TMEM229B: variants seen among roughly 807,000 people sequenced by gnomAD.
The protein encoded by TMEM229B is chromosome 14 open reading frame 83.
Under a neutral mutation model 13.7 loss-of-function variants are expected in TMEM229B, and 6 were observed. The observed-to-expected ratio is 0.44, with a 90% CI of 0.24 to 0.86. The LOEUF is 0.86. Among genes scored for constraint, TMEM229B ranks in the 40% least tolerant of loss-of-function variants. The pLI is 0.23. For synonymous variants in TMEM229B, 107 were observed against 102.1 expected, an observed-to-expected ratio of 1.05 and a Z score of -0.29; for missense variants, 170 against 236.0, an observed-to-expected ratio of 0.72 and a Z score of 1.83.
intron 1 of TMEM229B, among the ~76,000 whole-genome samples, chr14:67,514,402 A>G (rs904898570): frequency 2.0e-5 from 3 of 152,156 alleles, no homozygotes; most frequent in Non-Finnish European, 4.4e-5. Flanking sequence ...CCAGCCAGGC[A>G]TCTCTCACGG....
At chr14:67,503,569 G>C (rs1006639323) in intron 1 of TMEM229B, 6 of 152,198 alleles carry the variant, frequency 3.9e-5, no homozygotes, top group African/African-American at 1.4e-4. Flanking sequence ...AAATGACAGA[G>C]GGTAGCAGTT....
intron 2 of TMEM229B, among the ~76,000 whole-genome samples, chr14:67,486,480 G>A (rs764153234): frequency 6.6e-6 from 1 of 152,190 alleles, no homozygotes; most frequent in African/African-American, 2.4e-5. Context: ...TCACCATGTT[G>A]GCCAGGATGG....
chr14:67,505,146 T>A (rs1022239536), intron 1 of TMEM229B, among the ~76,000 whole-genome samples: 3 of 152,080 alleles, frequency 2.0e-5, no homozygotes, highest in Admixed American at 6.5e-5. Flanking sequence ...CAAAGAAGGA[T>A]GCGCATTTTC....
At chr14:67,527,694 C>A (rs2033388915) in intron 1 of TMEM229B, among the ~76,000 whole-genome samples, 1 of 152,164 alleles carries the variant, frequency 6.6e-6, no homozygotes, top group African/African-American at 2.4e-5. Context: ...CCAGCATGAC[C>A]CTGGTGAAGT....
At chr14:67,530,117 C>T (rs912142512) in intron 1 of TMEM229B, among the ~76,000 whole-genome samples, 2 of 152,182 alleles carry the variant, frequency 1.3e-5, no homozygotes, top group African/African-American at 4.8e-5. Flanking sequence ...ATCTGCTTAT[C>T]CATTGCAATC....
chr14:67,493,069 C>T (rs560261620), upstream of TMEM229B, among the ~76,000 whole-genome samples: 1 of 152,338 alleles, frequency 6.6e-6, no homozygotes, highest in South Asian at 2.1e-4. Flanking sequence ...GTGCAAAGAA[C>T]TTTGGGAAAA....
At chr14:67,524,295 A>C (rs945010673) in intron 1 of TMEM229B, among the ~76,000 whole-genome samples, 2 of 152,158 alleles carry the variant, frequency 1.3e-5, no homozygotes, top group Non-Finnish European at 2.9e-5. Context: ...CTAGGAAGAC[A>C]CTGGGCCCAC....
chr14:67,530,740 T>C (rs1232249831), intron 1 of TMEM229B, among the ~76,000 whole-genome samples: 1 of 152,234 alleles, frequency 6.6e-6, no homozygotes, highest in East Asian at 1.9e-4. Flanking sequence ...TGCCCTTGCA[T>C]GAATGGAGTG....
intron 1 of TMEM229B, among the ~76,000 whole-genome samples, chr14:67,498,826 T>C (rs2032493438): frequency 6.6e-6 from 1 of 151,740 alleles, no homozygotes; most frequent in African/African-American, 2.4e-5. Flanking sequence ...CCACCATGCC[T>C]GATTAATTTT....
At chr14:67,478,832 G>A (rs2031392154) in intron 2 of TMEM229B, among the ~76,000 whole-genome samples, 1 of 152,146 alleles carries the variant, frequency 6.6e-6, no homozygotes, top group African/African-American at 2.4e-5. Flanking sequence ...GTAATAGTGA[G>A]CACTCTGCTT....
chr14:67,515,349 CGCGGCGGCG>C (rs2033171788), exon 1 of TMEM229B: 3 of 161,776 alleles, frequency 1.9e-5, no homozygotes, highest in African/African-American at 7.2e-5. Context: ...CGGCGTCCGC[CGCGGCGGCG>C]CGGGGTCCGG....
Position 67,473,799 on chromosome 14 carries a change from G to C in TMEM229B, c.125C>G (p.Pro42Arg), listed in dbSNP as rs1477265493. The change falls in exon 3 of 3, where the codon CCT (proline) becomes CGT (arginine). Residue 42 changes from proline (P) to arginine (R), a missense_variant. Coordinates refer to ENST00000554480, the MANE Select transcript of TMEM229B (RefSeq NM_001348543.2). The surrounding 1 kb of genome is among the most constrained non-coding windows in gnomAD (Gnocchi z 6.5). ...GAGGGCCCACACGCTCGTGACCCCA[G>C]GGAACTTCCAGTTCAAGTTCACCAC... ...EFVVNLNWKFPGVTSVWALFI... is the reference protein window; with the variant it reads ...EFVVNLNWKFRGVTSVWALFI... The C allele has an allele frequency of 6.2e-7, 1 of 1,613,796 alleles. No individual in the cohort carries two copies. The highest frequency in any genetic ancestry group is 8.5e-7 in the Non-Finnish European group (1 of 1,179,960).
At chr14:67,474,297 C>G (rs2031028924) in intron 2 of TMEM229B, among the ~76,000 whole-genome samples, 1 of 151,568 alleles carries the variant, frequency 6.6e-6, no homozygotes, top group Non-Finnish European at 1.5e-5. Context: ...ACAGAATAAC[C>G]CACCCACCCC....
chr14:67,524,175 C>T (rs1463631329), intron 1 of TMEM229B, among the ~76,000 whole-genome samples: 2 of 151,996 alleles, frequency 1.3e-5, no homozygotes, highest in Non-Finnish European at 2.9e-5. Flanking sequence ...CATATGTTCC[C>T]CAAGTTCCCG....
At chr14:67,509,830 G>T (rs1427832032) in intron 1 of TMEM229B, among the ~76,000 whole-genome samples, 1 of 151,978 alleles carries the variant, frequency 6.6e-6, no homozygotes, top group African/African-American at 2.4e-5. Flanking sequence ...AACATAGCGA[G>T]TTATAAAGAC....
chr14:67,509,539 G>A (rs1183270939), intron 1 of TMEM229B, among the ~76,000 whole-genome samples: 1 of 152,074 alleles, frequency 6.6e-6, no homozygotes, highest in East Asian at 1.9e-4. Context: ...GGCTGGTCTT[G>A]AACTCCTGAC....
upstream of TMEM229B, among the ~76,000 whole-genome samples, chr14:67,518,926 G>A (rs1444368938): frequency 2.0e-5 from 3 of 152,220 alleles, no homozygotes; most frequent in Admixed American, 6.5e-5. Context: ...CATGAAGTCT[G>A]TTGCAGATGC....
chr14:67,519,051 G>A (rs1345975506), upstream of TMEM229B, among the ~76,000 whole-genome samples: 1 of 152,220 alleles, frequency 6.6e-6, no homozygotes, highest in Non-Finnish European at 1.5e-5. Context: ...GGGTAGGAAA[G>A]AACTGGGGGA....
chr14:67,479,734 A>G (rs1046716869), intron 2 of TMEM229B, among the ~76,000 whole-genome samples: 1 of 152,222 alleles, frequency 6.6e-6, no homozygotes, highest in Non-Finnish European at 1.5e-5. Flanking sequence ...GGAAAAAAAA[A>G]TGCTTGTGGA....
Sources: gnomAD v4.1 joint callset for allele counts (sites outside exome capture counted in the v4.1 genomes callset) on GRCh38, gnomAD v4.1.1 for gene constraint, Gnocchi (gnomAD v3.1) non-coding constraint, MANE v1.5 for transcripts, NCBI Gene and HGNC (gene_info 2026-07-23, HGNC 2026-07-21) for gene names.